SGMS1: variants seen among roughly 807,000 people sequenced by gnomAD.
SGMS1 encodes the protein sphingomyelin synthase 1, also known as phosphatidylcholine:ceramide cholinephosphotransferase 1.
In SGMS1, 13 loss-of-function variants were observed where a neutral mutation model predicts 46.2. The ratio of observed to expected loss-of-function variants is 0.28; its 90% CI spans 0.18 to 0.45. The LOEUF (loss-of-function observed/expected upper bound fraction) is 0.45. SGMS1 is among the 20% of genes least tolerant of loss of function. The pLI is 1.00. For synonymous variants in SGMS1, 203 were observed against 187.8 expected (o/e 1.08, Z -0.66); for missense variants, 324 against 519.9 (o/e 0.62, Z 3.66).
intron 6 of SGMS1, among the ~76,000 whole-genome samples, chr10:50,348,382 G>A (rs540740925): frequency 4.6e-5 from 7 of 152,284 alleles, no homozygotes; most frequent in African/African-American, 1.4e-4. Context: ...AATTGTCTCT[G>A]TTTGTAGATG....
At chr10:50,402,925 C>T (rs993214681) in intron 6 of SGMS1, among the ~76,000 whole-genome samples, 2 of 152,034 alleles carry the variant, frequency 1.3e-5, no homozygotes, top group African/African-American at 2.4e-5. Flanking sequence ...CCACTCTGTA[C>T]GTCCCTGTGT....
intron 6 of SGMS1, among the ~76,000 whole-genome samples, chr10:50,423,863 T>C (rs925935981): frequency 4.6e-5 from 7 of 152,236 alleles, no homozygotes; most frequent in Admixed American, 1.3e-4. Flanking sequence ...GAAAATGTAT[T>C]TGAAATTCCA....
chr10:50,438,947 G>A (rs1374229614), intron 5 of SGMS1, among the ~76,000 whole-genome samples: 2 of 152,168 alleles, frequency 1.3e-5, no homozygotes, highest in Non-Finnish European at 2.9e-5. Context: ...TACTCAACAT[G>A]CGAAACATGA....
chr10:50,312,367 G>T (rs1382547847), intron 8 of SGMS1, among the ~76,000 whole-genome samples: 1 of 150,396 alleles, frequency 6.6e-6, no homozygotes, highest in African/African-American at 2.4e-5. Context: ...AATGGCAGAT[G>T]GAGCACACCA....
chr10:50,372,530 G>T (rs2688878), intron 6 of SGMS1, among the ~76,000 whole-genome samples: 104,645 of 151,758 alleles, frequency 0.69, 36,323 homozygotes, highest in Middle Eastern at 0.8. Context: ...CCATCTCTAC[G>T]AAAAATATAA....
chr10:50,509,178 T>C (rs1396810700), intron 3 of SGMS1, among the ~76,000 whole-genome samples: 1 of 152,228 alleles, frequency 6.6e-6, no homozygotes, highest in South Asian at 2.1e-4. Flanking sequence ...AGAAGTTATA[T>C]CCTTCAACCC....
chr10:50,564,482 G>T (rs1302190799), intron 2 of SGMS1, among the ~76,000 whole-genome samples: 2 of 152,130 alleles, frequency 1.3e-5, no homozygotes, highest in African/African-American at 4.8e-5. Flanking sequence ...TGACCATGGG[G>T]CCAGTAAGAC....
intron 1 of SGMS1, among the ~76,000 whole-genome samples, chr10:50,609,318 T>G (rs371417758): frequency 6.6e-6 from 1 of 152,210 alleles, no homozygotes. Context: ...CCCCAAATAT[T>G]TTCAATCTAT....
At chr10:50,463,779 A>T (rs1837296346) in intron 4 of SGMS1, among the ~76,000 whole-genome samples, 1 of 152,202 alleles carries the variant, frequency 6.6e-6, no homozygotes, top group African/African-American at 2.4e-5. Flanking sequence ...CAACCCACAC[A>T]TCCAATGGCA....
intron 2 of SGMS1, among the ~76,000 whole-genome samples, chr10:50,526,979 C>T (rs756184684): frequency 4.8e-5 from 7 of 144,858 alleles, no homozygotes; most frequent in South Asian, 2.3e-4. Flanking sequence ...GCAGGAGAAT[C>T]GCTTGAACCT....
At chr10:50,308,685 T>C (rs931728169) in intron 9 of SGMS1, among the ~76,000 whole-genome samples, 4 of 152,090 alleles carry the variant, frequency 2.6e-5, no homozygotes, top group African/African-American at 4.8e-5. Context: ...GGAATTCTAG[T>C]TCAAGTGCCT....
At chr10:50,486,548 C>T (rs999371358) in intron 3 of SGMS1, among the ~76,000 whole-genome samples, 25 of 152,026 alleles carry the variant, frequency 1.6e-4, no homozygotes, top group African/African-American at 5.8e-4. Context: ...ATGCAGCCAA[C>T]AAACATGAAA....
intron 6 of SGMS1, among the ~76,000 whole-genome samples, chr10:50,408,727 C>T (rs985289953): frequency 1.3e-5 from 2 of 151,970 alleles, no homozygotes; most frequent in African/African-American, 2.4e-5. Flanking sequence ...GTAGTCCCAG[C>T]TACTGGGGTG....
In SGMS1 at chr10:50,344,645, G is replaced by A. The variant is rs551914154; in HGVS notation, c.-231-300C>T. Among the ~76,000 whole-genome samples the A allele has an allele frequency of 1.9e-3, 284 of 152,240 alleles. 1 individual carries two copies. Among genetic ancestry groups the A allele is most frequent in the African/African-American group, 6.5e-3 (271 of 41,538 alleles). On this transcript the variant is annotated intron_variant, in intron 6 of 10. Coordinates refer to ENST00000361781, the MANE Select transcript of SGMS1 (RefSeq NM_147156.4). ...AGCGCTTTGGGAGAACGAGGCGGGC[G>A]GATCACGAGGTCAGGAGATAGAGAG...
chr10:50,424,189 A>G (rs1164729720), intron 6 of SGMS1, among the ~76,000 whole-genome samples: 1 of 152,238 alleles, frequency 6.6e-6, no homozygotes, highest in East Asian at 1.9e-4. Context: ...GAGCGAATGT[A>G]TCAGACTCCA....
In SGMS1 at chr10:50,509,432, T is replaced by A. The variant is rs576933385; in HGVS notation, c.-498+10399A>T. 2.0e-5 allele frequency among the ~76,000 whole-genome samples: 3 copies of A among 152,200 alleles called. No homozygotes were observed. The East Asian group carries it at 5.8e-4, about 29-fold the overall frequency. On this transcript the variant is annotated intron_variant, in intron 3 of 10. Transcript: ENST00000361781. ...TTGGTTTTTCCAGTAAGACATTTGA[T>A]AAGCCATTCTAGGAAAATATACATA... is the stretch of plus-strand genomic sequence containing the variant.
At chr10:50,619,714 T>C (rs1019751425) in intron 1 of SGMS1, among the ~76,000 whole-genome samples, 39 of 152,212 alleles carry the variant, frequency 2.6e-4, no homozygotes, top group African/African-American at 9.2e-4. Context: ...GTACGTATAA[T>C]GGTTGCTTCA....
chr10:50,598,902 C>T (rs1342080098), intron 1 of SGMS1, among the ~76,000 whole-genome samples: 2 of 151,750 alleles, frequency 1.3e-5, no homozygotes, highest in African/African-American at 4.8e-5. Flanking sequence ...GGAGAAATAC[C>T]CAGACAGGAA....
chr10:50,435,508 A>G (rs2133623835), intron 5 of SGMS1, among the ~76,000 whole-genome samples: 1 of 152,382 alleles, frequency 6.6e-6, no homozygotes, highest in East Asian at 1.9e-4. Context: ...TGATCTGATG[A>G]AATGTTCAAT....
Sources: gnomAD v4.1 joint callset for allele counts (sites outside exome capture counted in the v4.1 genomes callset) on GRCh38, gnomAD v4.1.1 for gene constraint, MANE v1.5 for transcripts, NCBI Gene and HGNC (gene_info 2026-07-23, HGNC 2026-07-21) for gene names.